MIOS: variants seen among roughly 807,000 people sequenced by gnomAD.
MIOS encodes the protein GATOR2 complex protein MIOS.
MIOS carries 52 observed loss-of-function variants against 96.9 expected under a neutral mutation model. The observed-to-expected ratio is 0.54, with a 90% CI of 0.43 to 0.68. The LOEUF (loss-of-function observed/expected upper bound fraction) is 0.68. MIOS is among the 30% of genes least tolerant of loss of function. MIOS has a pLI of 0.00. For synonymous variants in MIOS, 397 were observed against 359.5 expected, an observed-to-expected ratio of 1.10 and a Z score of -1.18; for missense variants, 1,005 against 1,052.8, an observed-to-expected ratio of 0.95 and a Z score of 0.63.
intron 9 of MIOS, among the ~76,000 whole-genome samples, chr7:7,591,684 A>G (rs1367071259): frequency 6.6e-6 from 1 of 152,096 alleles, no homozygotes; most frequent in Non-Finnish European, 1.5e-5. Context: ...GTTTCTTCCA[A>G]GATTTTTCCT....
chr7:7,605,135 C>G (rs1364304126), intron 11 of MIOS: 1 of 152,070 alleles, frequency 6.6e-6, no homozygotes, highest in Non-Finnish European at 1.5e-5. Context: ...ACATAGTTAT[C>G]GATGCATAAT....
chr7:7,573,659 G>A lies in MIOS; in HGVS notation c.1184G>A (p.Arg395His), dbSNP rs1186186107. 12 of 1,613,810 alleles carry A rather than the reference G, an allele frequency of 7.4e-6. No homozygotes were observed. The highest frequency in any genetic ancestry group is 2.2e-5 in the South Asian group (2 of 91,076). ...SLEKDIATKM[R>H]LRALSRYGLD... The stretch of plus-strand genomic sequence containing the variant: ...GAAAAAGATATAGCAACGAAGATGC[G>A]TCTTCGGGCTTTATCAAGGTATGGA... The change falls in exon 4 of 13, where the codon CGT becomes CAT. Residue 395 changes from arginine to histidine, a missense_variant. Physicochemically the swap from Arg to His is conservative, Grantham distance 29. This residue lies in a region of MIOS where 865 missense variants were observed against 887.9 expected (regional missense o/e 0.97). Transcript: ENST00000340080. The surrounding 1 kb of genome is among the most constrained non-coding windows in gnomAD (Gnocchi z 5.0).
chr7:7,586,226 C>T (rs1322555877), intron 7 of MIOS, among the ~76,000 whole-genome samples: 4 of 151,578 alleles, frequency 2.6e-5, no homozygotes, highest in African/African-American at 9.7e-5. Context: ...GATTATTGAT[C>T]AGTTATGGTG....
chr7:7,599,389 C>A (rs1271061463), intron 11 of MIOS, among the ~76,000 whole-genome samples: 1 of 152,062 alleles, frequency 6.6e-6, no homozygotes, highest in Non-Finnish European at 1.5e-5. Context: ...CACATCTAAA[C>A]CCCCAACATG....
At chr7:7,591,427 C>T (rs10243495) in intron 9 of MIOS, among the ~76,000 whole-genome samples, 4,783 of 151,406 alleles carry the variant, frequency 0.032, 219 homozygotes, top group African/African-American at 0.1. Flanking sequence ...CACAGGTTCA[C>T]GCCACCACTC....
intron 9 of MIOS, among the ~76,000 whole-genome samples, chr7:7,594,679 G>A (rs1395785609): frequency 6.6e-6 from 1 of 152,118 alleles, no homozygotes; most frequent in Non-Finnish European, 1.5e-5. Context: ...TCGTATCACT[G>A]TTTACAACAT....
In MIOS at chr7:7,583,216, G is replaced by A; in HGVS notation, c.1492G>A (p.Gly498Arg). 1.2e-6 allele frequency: 2 copies of A among 1,614,154 alleles called. No individual in the cohort carries two copies. Among genetic ancestry groups the A allele is most frequent in the East Asian group, 2.2e-5 (1 of 44,868 alleles). ...EERILALQLC[G>R]WIKKGTDVDV... The stretch of plus-strand genomic sequence containing the variant: ...GAGAATCTTAGCTTTACAGCTTTGT[G>A]GGTGGATAAAGAAAGGAACGGATGT... Residue 498 changes from glycine to arginine, a missense_variant, in exon 6 of 13, where the codon GGG becomes AGG. Physicochemically the swap from Gly to Arg is moderately radical, Grantham distance 125. Coordinates refer to ENST00000340080, the MANE Select transcript of MIOS (RefSeq NM_019005.4).
rs891983124 is a variant in MIOS, at chr7:7,574,023, G to C, written c.1295-75G>C. On this transcript the variant is annotated intron_variant, in intron 4 of 12. Transcript: ENST00000340080. ...TTTACACTGATACTTATTATGAATT[G>C]GCTCCAAATCAAAATAAATTTAGCT... is the stretch of plus-strand genomic sequence containing the variant. 1.3e-5 allele frequency: 15 copies of C among 1,188,886 alleles called. No homozygotes were observed. The African/African-American group carries it at 2.3e-4, about 18-fold the overall frequency. The allele number at this position is 1,188,886 out of a possible 1,614,324, so 73.6% of individuals were successfully genotyped here.
chr7:7,589,317 A>C, intron 8 of MIOS, 88 bp from the exon 9 acceptor site: 3 of 1,129,786 alleles, frequency 2.7e-6, no homozygotes, highest in Admixed American at 2.4e-5. Flanking sequence ...GTTTTCCATT[A>C]GGAATGAAAT....
intron 8 of MIOS, 41 bp from the exon 9 acceptor site, chr7:7,589,364 T>G: frequency 6.3e-7 from 1 of 1,583,436 alleles, no homozygotes; most frequent in Non-Finnish European, 8.7e-7. Flanking sequence ...AAATACATAG[T>G]GAAACAGATT....
At chr7:7,589,297 G>A in intron 8 of MIOS, 108 bp from the exon 9 acceptor site, 1 of 944,158 alleles carries the variant, frequency 1.1e-6, no homozygotes, top group Non-Finnish European at 1.5e-6. Context: ...AAAGTCTTTT[G>A]TTTTAAAATG....
Position 7,607,008 on chromosome 7 carries a change from G to T in MIOS, c.2544G>T (p.Glu848Asp). Residue 848 changes from glutamate to aspartate, a missense_variant, in exon 13 of 13, where the codon GAG (glutamate) becomes GAT (aspartate). By Grantham distance (45) the Glu-to-Asp change is conservative. Transcript: ENST00000340080. Reference protein sequence around the residue: ...HMLSWFRDHAECPVSACTCKC... With the variant: ...HMLSWFRDHADCPVSACTCKC... ...CCTATTTTTTTAGGGACCATGCAGAGTGCCCTGTGTCGGCATGCACGTGTA... is the reference window on the plus strand; with the variant it reads ...CCTATTTTTTTAGGGACCATGCAGATTGCCCTGTGTCGGCATGCACGTGTA... 6.2e-7 allele frequency: 1 copy of T among 1,611,196 alleles called. No individual in the cohort carries two copies. The highest frequency in any genetic ancestry group is 8.5e-7 in the Non-Finnish European group (1 of 1,178,100).
intron 3 of MIOS, among the ~76,000 whole-genome samples, chr7:7,571,685 G>T (rs1031099286): frequency 2.6e-5 from 4 of 151,466 alleles, no homozygotes; most frequent in Admixed American, 2.6e-4. Flanking sequence ...AAACAAAGGG[G>T]TTCCCCACAC....
At chr7:7,583,037 C>A in intron 5 of MIOS, 81 bp from the exon 6 acceptor site, 2 of 1,373,328 alleles carry the variant, frequency 1.5e-6, no homozygotes, top group South Asian at 1.5e-5. Context: ...CTAAATGTGT[C>A]AACATAGTTC....
chr7:7,596,579 T>G, intron 11 of MIOS, 118 bp downstream of exon 11: 1 of 996,214 alleles, frequency 1.0e-6, no homozygotes, highest in East Asian at 2.5e-5. Context: ...AAGGGCAGTT[T>G]ACTAGCTTGA....
chr7:7,582,975 G>A lies in MIOS; in HGVS notation c.1394-143G>A, dbSNP rs539143219. ...ACATGCAAAATATGTTGTATTTGTG[G>A]CATAGTTCATATTTACACTATCATA... On this transcript the variant is annotated intron_variant, in intron 5 of 12. Transcript: ENST00000340080. 15 of 917,080 alleles carry A rather than the reference G, an allele frequency of 1.6e-5. No individual in the cohort carries two copies. In the South Asian group the frequency reaches 2.9e-4, roughly 18 times the overall value. The allele number at this position is 917,080 out of a possible 1,614,324, so 56.8% of individuals were successfully genotyped here. A position where few individuals can be genotyped will look rare whatever the true frequency, so the allele number is the denominator to read the frequency against.
At chr7:7,579,150 A>G (rs1174834013) in intron 5 of MIOS, among the ~76,000 whole-genome samples, 3 of 152,238 alleles carry the variant, frequency 2.0e-5, no homozygotes, top group African/African-American at 7.2e-5. Flanking sequence ...ACATGCATAA[A>G]TATATTTTAC....
At chr7:7,600,595 T>C (rs188545778) in intron 11 of MIOS, among the ~76,000 whole-genome samples, 21,135 of 152,070 alleles carry the variant, frequency 0.14, 1,652 homozygotes, top group East Asian at 0.29. Context: ...CAAAGAGACT[T>C]AGACTCCCAC....
chr7:7,605,948 C>T lies in MIOS; in HGVS notation c.2408C>T (p.Thr803Ile), dbSNP rs375420709. 35 of 1,613,062 alleles carry T rather than the reference C, an allele frequency of 2.2e-5. No homozygotes were observed. Among genetic ancestry groups the T allele is most frequent in the Non-Finnish European group, 3.0e-5 (35 of 1,179,392 alleles). The change falls in exon 12 of 13, where the codon ACC (threonine) becomes ATC (isoleucine). Residue 803 changes from threonine to isoleucine, a missense_variant. By Grantham distance (89) the Thr-to-Ile change is moderately conservative. Transcript: ENST00000340080. Reference sequence around the variant, plus strand: ...TCATTTTATTTTGTCATAGGAGGAACCAAATCAGATGAAAAAGTGGACTTG... The same window carrying T: ...TCATTTTATTTTGTCATAGGAGGAATCAAATCAGATGAAAAAGTGGACTTG... Reference protein sequence around the residue: ...GTPVSSCPGGTKSDEKVDLSK... With the variant: ...GTPVSSCPGGIKSDEKVDLSK...
Sources: allele counts gnomAD v4.1 joint callset (sites outside exome capture counted in the v4.1 genomes callset), GRCh38; gene constraint gnomAD v4.1.1; regional missense constraint gnomAD v4.1.1; non-coding constraint Gnocchi (gnomAD v3.1); transcripts MANE v1.5; gene names NCBI Gene and HGNC (gene_info 2026-07-23, HGNC 2026-07-21).